Variants in SLC22A3 observed in about 807,000 individuals in gnomAD.
SLC22A3 encodes solute carrier family 22 member 3, also known as EMT organic cation transporter 3.
SLC22A3 carries 51 observed loss-of-function variants against 59.1 expected under a neutral mutation model. The observed-to-expected ratio is 0.86, with a 90% CI of 0.69 to 1.09. The LOEUF (loss-of-function observed/expected upper bound fraction) is 1.09, where lower values mean the gene tolerates loss of function less well. Among genes scored for constraint, SLC22A3 ranks in the 50% least tolerant of loss-of-function variants. SLC22A3 has a pLI of 0.00. For synonymous variants in SLC22A3, 325 were observed against 292.0 expected, an observed-to-expected ratio of 1.11 and a Z score of -1.15; for missense variants, 711 against 726.3, an observed-to-expected ratio of 0.98 and a Z score of 0.24.
intron 10 of SLC22A3, among the ~76,000 whole-genome samples, chr6:160,450,434 C>T (rs1788907540): frequency 6.6e-6 from 1 of 152,168 alleles, no homozygotes; most frequent in Non-Finnish European, 1.5e-5. Context: ...ATCGCTGTTA[C>T]TCTGTTCTAT....
At chr6:160,441,607 CTTTT>C (rs3066987) in intron 7 of SLC22A3, among the ~76,000 whole-genome samples, 2 of 136,592 alleles carry the variant, frequency 1.5e-5, no homozygotes, top group Non-Finnish European at 1.5e-5. Context: ...TGAATTTTAG[CTTTT>C]TTTTTTTTTT....
intron 1 of SLC22A3, among the ~76,000 whole-genome samples, chr6:160,363,623 G>C (rs1195236548): frequency 6.6e-6 from 1 of 152,030 alleles, no homozygotes. Context: ...CTCCCCACAG[G>C]ACAGAGCATA....
In SLC22A3 at chr6:160,451,029, A is replaced by G. The variant is rs776811448; in HGVS notation, c.1644A>G (p.Lys548=). 3 of 1,596,078 alleles carry G rather than the reference A, an allele frequency of 1.9e-6. No individual in the cohort carries two copies. Among genetic ancestry groups the G allele is most frequent in the Non-Finnish European group, 2.6e-6 (3 of 1,169,592 alleles). Reference sequence around the variant, plus strand: ...CCTGTAAATGTGGCAGGAATAAGAAAACCCCAGTTTCCCGCTCTCACCTTT... The same window carrying G: ...CCTGTAAATGTGGCAGGAATAAGAAGACCCCAGTTTCCCGCTCTCACCTTT... The part of the protein sequence containing the change: ...PHSCKCGRNK[K]TPVSRSHL The change falls in exon 11 of 11, where the codon AAA becomes AAG. Residue 548 remains lysine, a synonymous_variant. Coordinates refer to ENST00000275300, the MANE Select transcript of SLC22A3 (RefSeq NM_021977.4).
At chr6:160,364,153 A>G (rs751927596) in intron 1 of SLC22A3, among the ~76,000 whole-genome samples, 27 of 152,190 alleles carry the variant, frequency 1.8e-4, no homozygotes, top group Non-Finnish European at 3.5e-4. Flanking sequence ...TACCTATAAA[A>G]TAACACAGAA....
chr6:160,390,667 A>G (rs1786219781), intron 1 of SLC22A3, among the ~76,000 whole-genome samples: 1 of 152,138 alleles, frequency 6.6e-6, no homozygotes, highest in Admixed American at 6.5e-5. Flanking sequence ...ACTCAGCACA[A>G]AGCTCATCCC....
chr6:160,389,843 T>G (rs1450599989), intron 1 of SLC22A3, among the ~76,000 whole-genome samples: 2 of 152,172 alleles, frequency 1.3e-5, no homozygotes, highest in Non-Finnish European at 2.9e-5. Context: ...CTGACAGCCT[T>G]GGAGACTGTG....
intron 1 of SLC22A3, among the ~76,000 whole-genome samples, chr6:160,386,449 T>A (rs1786020244): frequency 6.6e-6 from 1 of 152,268 alleles, no homozygotes; most frequent in African/African-American, 2.4e-5. Context: ...AAGTCTTTTG[T>A]CCTTATTCTG....
chr6:160,424,671 A>G (rs1439693166), intron 5 of SLC22A3, among the ~76,000 whole-genome samples: 3 of 152,190 alleles, frequency 2.0e-5, no homozygotes, highest in Non-Finnish European at 4.4e-5. Context: ...GTGACTCCCA[A>G]CTGCCTACTG....
chr6:160,373,010 A>G (rs764114461), intron 1 of SLC22A3, among the ~76,000 whole-genome samples: 3 of 152,142 alleles, frequency 2.0e-5, no homozygotes, highest in Non-Finnish European at 2.9e-5. Context: ...CAATTCATCA[A>G]AGTAATTCTA....
At chr6:160,391,260 A>G (rs1786246219) in intron 1 of SLC22A3, among the ~76,000 whole-genome samples, 1 of 152,198 alleles carries the variant, frequency 6.6e-6, no homozygotes, top group African/African-American at 2.4e-5. Flanking sequence ...AATAGTTGAT[A>G]ACCTCTATAT....
intron 1 of SLC22A3, among the ~76,000 whole-genome samples, chr6:160,352,774 C>T (rs1784702606): frequency 6.6e-6 from 1 of 152,142 alleles, no homozygotes; most frequent in South Asian, 2.1e-4. Flanking sequence ...CTCAGAGTAA[C>T]TAGTCCTTTC....
chr6:160,361,183 A>G (rs748319414), intron 1 of SLC22A3, among the ~76,000 whole-genome samples: 2 of 152,220 alleles, frequency 1.3e-5, no homozygotes, highest in Non-Finnish European at 2.9e-5. Flanking sequence ...TGATGTTGAG[A>G]AAAGTAATGA....
At chr6:160,399,804 T>C (rs907943023) in intron 2 of SLC22A3, among the ~76,000 whole-genome samples, 2 of 152,132 alleles carry the variant, frequency 1.3e-5, no homozygotes, top group African/African-American at 4.8e-5. Flanking sequence ...AGTAAAATGC[T>C]GAACAAACTG....
At chr6:160,420,679 A>G (rs1787692496) in intron 5 of SLC22A3, among the ~76,000 whole-genome samples, 1 of 152,246 alleles carries the variant, frequency 6.6e-6, no homozygotes, top group Admixed American at 6.5e-5. Context: ...TAACACCAAA[A>G]AAATGTCTCA....
chr6:160,348,657 G>T lies in SLC22A3; in HGVS notation c.238G>T (p.Gly80Cys), dbSNP rs1784554413. The change falls in exon 1 of 11, where the codon GGC becomes TGC. Residue 80 changes from glycine to cysteine, a missense_variant. By Grantham distance (159) the Gly-to-Cys change is radical (BLOSUM62 -3). Coordinates refer to ENST00000275300, the MANE Select transcript of SLC22A3 (RefSeq NM_021977.4). ...GAACCGCACGGCGCCCGCCTCCCGCGGCCCAGAGCCCCCCGAGCGCCGCGG... is the reference window on the plus strand; with the variant it reads ...GAACCGCACGGCGCCCGCCTCCCGCTGCCCAGAGCCCCCCGAGCGCCGCGG... ...EWNRTAPASR[G>C]PEPPERRGRC... 1.3e-6 allele frequency: 2 copies of T among 1,500,026 alleles called. No individual in the cohort carries two copies. Among genetic ancestry groups the T allele is most frequent in the African/African-American group, 1.5e-5 (1 of 68,692 alleles). 92.9% of individuals were successfully genotyped at this position (1,500,026 alleles called of 1,614,324 possible). A position where few individuals can be genotyped will look rare whatever the true frequency, so the allele number is the denominator to read the frequency against.
rs189011103 is a variant in SLC22A3 at position 160,416,869 on chromosome 6, G to C, written c.975+6023G>C. ...ATCTGAGGATATGGCCATTGCCCCA[G>C]GTACTGAATTTGTGTGCTTGTCAAA... On this transcript the variant is annotated intron_variant, in intron 5 of 10. Coordinates refer to ENST00000275300, the MANE Select transcript of SLC22A3 (RefSeq NM_021977.4). Among the ~76,000 whole-genome samples, 11 of 152,310 alleles carry C rather than the reference G, an allele frequency of 7.2e-5. No homozygotes were observed. The East Asian group carries it at 2.1e-3, about 29-fold the overall frequency.
chr6:160,352,978 G>A (rs1784711224), intron 1 of SLC22A3, among the ~76,000 whole-genome samples: 1 of 152,084 alleles, frequency 6.6e-6, no homozygotes, highest in Non-Finnish European at 1.5e-5. Context: ...CCGCCACCGC[G>A]CCTGGCTAAT....
intron 1 of SLC22A3, among the ~76,000 whole-genome samples, chr6:160,351,812 TAGAAGA>T: frequency 6.6e-6 from 1 of 152,180 alleles, no homozygotes; most frequent in Admixed American, 6.5e-5. Context: ...CCTGGCTTCA[TAGAAGA>T]GAGACCTGAG....
intron 1 of SLC22A3, among the ~76,000 whole-genome samples, chr6:160,382,090 A>T (rs1366709576): frequency 6.6e-6 from 1 of 152,234 alleles, no homozygotes; most frequent in Non-Finnish European, 1.5e-5. Flanking sequence ...GAGCCAAAGC[A>T]TGCTGATTCC....
Sources: gnomAD v4.1 joint callset for allele counts (sites outside exome capture counted in the v4.1 genomes callset) on GRCh38, gnomAD v4.1.1 for gene constraint, MANE v1.5 for transcripts, NCBI Gene and HGNC (gene_info 2026-07-23, HGNC 2026-07-21) for gene names.